Variants in NLK observed in about 807,000 individuals in gnomAD.
NLK encodes serine/threonine-protein kinase NLK.
NLK carries 11 observed loss-of-function variants against 59.0 expected under a neutral mutation model. That is an observed-to-expected ratio of 0.19 (90% confidence interval 0.12 to 0.31). The LOEUF (loss-of-function observed/expected upper bound fraction) is 0.31, where lower values mean the gene tolerates loss of function less well. NLK is among the 10% of genes least tolerant of loss of function. The pLI, the probability that NLK is intolerant of heterozygous loss-of-function variation, is 1.00. For synonymous variants in NLK, 235 were observed against 235.9 expected (o/e 1.00, Z 0.03); for missense variants, 410 against 661.1 (o/e 0.62, Z 4.16).
intron 1 of NLK, among the ~76,000 whole-genome samples, chr17:28,095,309 G>A (rs1016927453): frequency 8.5e-5 from 13 of 152,260 alleles, no homozygotes; most frequent in African/African-American, 2.6e-4. Context: ...CTTGGACAGC[G>A]GCCTGGACCC....
At chr17:28,084,670 T>A (rs552846168) in intron 1 of NLK, among the ~76,000 whole-genome samples, 2 of 152,254 alleles carry the variant, frequency 1.3e-5, no homozygotes, top group African/African-American at 4.8e-5. Flanking sequence ...TTCAAGTGAT[T>A]CTCCTGCCTC....
intron 7 of NLK, among the ~76,000 whole-genome samples, chr17:28,174,342 CCTCTTAACAGTAAT>C (rs776373626): frequency 3.9e-5 from 6 of 151,934 alleles, no homozygotes; most frequent in Non-Finnish European, 7.4e-5. Flanking sequence ...TATTAATTGG[CCTCTTAACAGTAAT>C]CCCTTTGCTT....
intron 1 of NLK, among the ~76,000 whole-genome samples, chr17:28,082,533 C>G (rs1316094295): frequency 6.6e-6 from 1 of 152,122 alleles, no homozygotes; most frequent in African/African-American, 2.4e-5. Flanking sequence ...GGGGTGCCTC[C>G]CTGCCCTTGT....
chr17:28,138,147 A>G (rs762416688), intron 3 of NLK, among the ~76,000 whole-genome samples: 77 of 152,316 alleles, frequency 5.1e-4, no homozygotes, highest in Admixed American at 1.2e-3. Context: ...TGGATGCTCT[A>G]CAATGCACAT....
chr17:28,117,330 GAAAGGGTCT>G (rs1396470803), intron 1 of NLK, among the ~76,000 whole-genome samples: 3 of 152,188 alleles, frequency 2.0e-5, no homozygotes, highest in Non-Finnish European at 4.4e-5. Flanking sequence ...GGTGGGGACT[GAAAGGGTCT>G]TAAGAGTTAG....
intron 8 of NLK, among the ~76,000 whole-genome samples, chr17:28,186,454 G>GT (rs1909120374): frequency 6.6e-6 from 1 of 151,888 alleles, no homozygotes; most frequent in Non-Finnish European, 1.5e-5. Context: ...TTTCTTTTTT[G>GT]TTTTTTTACT....
intron 1 of NLK, among the ~76,000 whole-genome samples, chr17:28,119,494 C>T (rs1410085981): frequency 6.6e-6 from 1 of 152,072 alleles, no homozygotes; most frequent in Non-Finnish European, 1.5e-5. Context: ...AAGTAGTAGT[C>T]AGAAGTTAGG....
chr17:28,086,024 A>T (rs1035899486), intron 1 of NLK, among the ~76,000 whole-genome samples: 1 of 152,206 alleles, frequency 6.6e-6, no homozygotes, highest in African/African-American at 2.4e-5. Context: ...TTCTCAGAAC[A>T]TATCCCTGTT....
chr17:28,135,666 T>C (rs1005253741), intron 3 of NLK, among the ~76,000 whole-genome samples: 2 of 152,198 alleles, frequency 1.3e-5, no homozygotes, highest in Admixed American at 1.3e-4. Flanking sequence ...AGGCCATATG[T>C]GAAGAAAGAA....
intron 3 of NLK, among the ~76,000 whole-genome samples, chr17:28,146,015 T>C (rs1296844622): frequency 1.3e-5 from 2 of 152,176 alleles, no homozygotes; most frequent in Admixed American, 6.5e-5. Flanking sequence ...CAAAAGGAGC[T>C]TTTTTGAGTG....
intron 1 of NLK, among the ~76,000 whole-genome samples, chr17:28,118,797 T>C (rs1426117473): frequency 6.6e-6 from 1 of 152,206 alleles, no homozygotes; most frequent in Non-Finnish European, 1.5e-5. Flanking sequence ...TGATAAACTC[T>C]GGACAGGTGT....
chr17:28,107,149 C>T (rs1274426036), intron 1 of NLK, among the ~76,000 whole-genome samples: 2 of 152,070 alleles, frequency 1.3e-5, no homozygotes, highest in Non-Finnish European at 1.5e-5. Context: ...GGAATAGCTA[C>T]TAAGCCGGGC....
At chr17:28,142,109 T>G (rs549375081) in intron 3 of NLK, among the ~76,000 whole-genome samples, 67 of 152,344 alleles carry the variant, frequency 4.4e-4, no homozygotes, top group Admixed American at 4.6e-4. Context: ...TCTTGTTTTA[T>G]TACATACATG....
At chr17:28,172,369 G>A (rs1273962453) in intron 6 of NLK, 148 bp from the exon 7 acceptor site, 1 of 370,848 alleles carries the variant, frequency 2.7e-6, no homozygotes, top group East Asian at 4.1e-5. Context: ...GCCAGAAAGT[G>A]AAAGTAGGGG....
intron 1 of NLK, among the ~76,000 whole-genome samples, chr17:28,081,665 G>A (rs538840398): frequency 1.3e-5 from 2 of 152,278 alleles, no homozygotes; most frequent in Non-Finnish European, 2.9e-5. Flanking sequence ...ATGGGCCAAT[G>A]ACGTGTACAC....
Position 28,190,480 on chromosome 17 carries a change from C to T in NLK, c.1237-541C>T, listed in dbSNP as rs75766599. Among the ~76,000 whole-genome samples, 137 of 152,232 alleles carry T rather than the reference C, an allele frequency of 9.0e-4. 4 individuals are homozygous for T. In the East Asian group the frequency reaches 0.025, roughly 28 times the overall value. On this transcript the variant is annotated intron_variant, in intron 8 of 10. Coordinates refer to ENST00000407008, the MANE Select transcript of NLK (RefSeq NM_016231.5). ...CCAGAAAACAAAAAGCTAGACTAGACTTCTGATATTCAGACTGAGCTATAT... is the reference window on the plus strand; with the variant it reads ...CCAGAAAACAAAAAGCTAGACTAGATTTCTGATATTCAGACTGAGCTATAT...
At chr17:28,109,961 A>G (rs1385713750) in intron 1 of NLK, among the ~76,000 whole-genome samples, 25 of 152,192 alleles carry the variant, frequency 1.6e-4, no homozygotes, top group Non-Finnish European at 1.2e-4. Context: ...AAGGGTTCCA[A>G]TTTTGATTGG....
intron 1 of NLK, among the ~76,000 whole-genome samples, chr17:28,068,140 CAAAAAAA>C (rs1183536787): frequency 1.4e-5 from 1 of 69,872 alleles, no homozygotes; most frequent in African/African-American, 5.3e-5. Flanking sequence ...GACTCCGTCT[CAAAAAAA>C]AAAAAAAAAA....
At chr17:28,052,021 TC>T (rs1343071093) in intron 1 of NLK, among the ~76,000 whole-genome samples, 2 of 152,284 alleles carry the variant, frequency 1.3e-5, no homozygotes, top group Non-Finnish European at 2.9e-5. Context: ...CATTTTTTTT[TC>T]ATCAAGAGAC....
Sources: gnomAD v4.1 joint callset for allele counts (sites outside exome capture counted in the v4.1 genomes callset) on GRCh38, gnomAD v4.1.1 for gene constraint, MANE v1.5 for transcripts, NCBI Gene and HGNC (gene_info 2026-07-23, HGNC 2026-07-21) for gene names.